ACTR3C: variants seen among roughly 807,000 people sequenced by gnomAD.
ACTR3C encodes actin related protein 3C.
ACTR3C carries 18 observed loss-of-function variants against 26.3 expected under a neutral mutation model. The observed-to-expected ratio is 0.68, with a 90% CI of 0.47 to 1.01. ACTR3C has a LOEUF of 1.01. Ranked by LOEUF, ACTR3C falls within the 50% of genes least tolerant of loss-of-function variation. The pLI is 0.00. For missense variants in ACTR3C, 184 were observed against 250.7 expected (o/e 0.73, Z 1.80); for synonymous variants, 55 against 94.5 (o/e 0.58, Z 2.42).
intron 4 of ACTR3C, among the ~76,000 whole-genome samples, chr7:150,288,263 C>T (rs953047895): frequency 6.7e-6 from 1 of 149,976 alleles, no homozygotes; most frequent in Non-Finnish European, 1.5e-5. Context: ...ACCCCAACAG[C>T]CCGTGAGGAG....
chr7:150,250,929 G>A (rs1246422708), intron 6 of ACTR3C, among the ~76,000 whole-genome samples: 2 of 152,178 alleles, frequency 1.3e-5, no homozygotes, highest in African/African-American at 4.8e-5. Context: ...TTAAAAGGAT[G>A]GGATTGGATG....
At chr7:149,988,002 A>G in the ACTR3C span, among the ~76,000 whole-genome samples, 10 of 152,248 alleles carry the variant, frequency 6.6e-5, no homozygotes, top group Non-Finnish European at 1.3e-4. Flanking sequence ...TTACTCTAAA[A>G]TGACTGGTAT....
chr7:150,306,700 C>A (rs1363464737), intron 1 of ACTR3C, among the ~76,000 whole-genome samples: 1 of 152,198 alleles, frequency 6.6e-6, no homozygotes. Flanking sequence ...TTTAGCAATA[C>A]CTCGCCAAGG....
At chr7:150,136,748 C>T in the ACTR3C span, among the ~76,000 whole-genome samples, 196 of 152,242 alleles carry the variant, frequency 1.3e-3, 3 homozygotes, top group Middle Eastern at 3.4e-3. Context: ...AAGCAGTAGA[C>T]GACCTGATGC....
At chr7:150,138,191 A>G in the ACTR3C span, among the ~76,000 whole-genome samples, 14,072 of 152,310 alleles carry the variant, frequency 0.092, 897 homozygotes, top group Non-Finnish European at 0.13. Flanking sequence ...AGTAGACAAC[A>G]TAAATCACAC....
At chr7:150,183,489 G>A in the ACTR3C span, among the ~76,000 whole-genome samples, 77 of 149,498 alleles carry the variant, frequency 5.2e-4, no homozygotes, top group Non-Finnish European at 4.9e-4. Context: ...TTACTGGAAG[G>A]TAGGGTATGG....
At chr7:149,951,822 C>T in the ACTR3C span, among the ~76,000 whole-genome samples, 2 of 149,946 alleles carry the variant, frequency 1.3e-5, no homozygotes, top group Non-Finnish European at 2.9e-5. Flanking sequence ...GTGTAGGCGC[C>T]AGGGCCAAGT....
chr7:150,224,778 C>T, the ACTR3C span, among the ~76,000 whole-genome samples: 1 of 152,194 alleles, frequency 6.6e-6, no homozygotes, highest in African/African-American at 2.4e-5. Context: ...TCCTTGAGGG[C>T]AGAGCGTTTG....
chr7:149,921,970 T>C, the ACTR3C span, among the ~76,000 whole-genome samples: 8 of 151,636 alleles, frequency 5.3e-5, 1 homozygote, highest in East Asian at 1.6e-3. Context: ...TTATGTTTCC[T>C]TCCTTATTTT....
At chr7:150,213,186 A>T in the ACTR3C span, among the ~76,000 whole-genome samples, 2 of 152,216 alleles carry the variant, frequency 1.3e-5, no homozygotes, top group South Asian at 4.1e-4. Context: ...TATTAAAAAA[A>T]ATTCCCTTCT....
the ACTR3C span, among the ~76,000 whole-genome samples, chr7:150,222,609 G>A: frequency 2.6e-5 from 4 of 151,868 alleles, no homozygotes; most frequent in South Asian, 6.2e-4. Context: ...CCATTATAGT[G>A]GAAGAGAGGG....
At chr7:150,155,104 G>A in the ACTR3C span, among the ~76,000 whole-genome samples, 84 of 152,266 alleles carry the variant, frequency 5.5e-4, no homozygotes, top group African/African-American at 1.9e-3. Flanking sequence ...TATCACAGTT[G>A]CTCTTTTATG....
rs1238905147 is a variant in ACTR3C at position 150,250,235 on chromosome 7, G to T, written c.565-1181C>A. On this transcript the variant is annotated intron_variant, in intron 6 of 7. Coordinates refer to ENST00000683684, the MANE Select transcript of ACTR3C (RefSeq NM_001164458.2). ...TTTTTTTTTTTTGAGACGGAGTCTCGCTCTGTCGCCCAGGCTGGAGTGCAG... is the reference window on the plus strand; with the variant it reads ...TTTTTTTTTTTTGAGACGGAGTCTCTCTCTGTCGCCCAGGCTGGAGTGCAG... Among the ~76,000 whole-genome samples the T allele has an allele frequency of 2.9e-5, 4 of 136,140 alleles. No individual in the cohort carries two copies. The South Asian group carries it at 6.7e-4, about 23-fold the overall frequency. The allele number at this position is 136,140 out of a possible 152,430, so 89.3% of individuals were successfully genotyped here.
chr7:150,239,746 G>T (rs1832080648), downstream of ACTR3C, among the ~76,000 whole-genome samples: 1 of 149,730 alleles, frequency 6.7e-6, no homozygotes, highest in African/African-American at 2.5e-5. Flanking sequence ...GCAAAAATCT[G>T]GGCTGGTTTA....
chr7:150,169,197 T>C, the ACTR3C span, among the ~76,000 whole-genome samples: 27 of 149,814 alleles, frequency 1.8e-4, 1 homozygote, highest in South Asian at 5.2e-3. Flanking sequence ...CTGGCTAACA[T>C]GGTGAAACCC....
chr7:149,908,629 C>A, the ACTR3C span, among the ~76,000 whole-genome samples: 3 of 152,132 alleles, frequency 2.0e-5, no homozygotes. Flanking sequence ...ACATCGTGGC[C>A]CCCTAAAAAC....
chr7:150,190,086 TC>T, the ACTR3C span, among the ~76,000 whole-genome samples: 1 of 152,352 alleles, frequency 6.6e-6, no homozygotes, highest in East Asian at 1.9e-4. Flanking sequence ...TTGTTGTTGT[TC>T]TTTAGCTATT....
At chr7:150,132,626 A>T in the ACTR3C span, among the ~76,000 whole-genome samples, 4 of 152,226 alleles carry the variant, frequency 2.6e-5, no homozygotes, top group Non-Finnish European at 5.9e-5. Flanking sequence ...AAATGCTGTC[A>T]AGGCTACAGA....
the ACTR3C span, among the ~76,000 whole-genome samples, chr7:150,016,172 C>A: frequency 6.6e-6 from 1 of 152,126 alleles, no homozygotes; most frequent in Non-Finnish European, 1.5e-5. Context: ...TTCGGACTAA[C>A]CACAGCTGAT....
Sources: allele counts gnomAD v4.1 joint callset (sites outside exome capture counted in the v4.1 genomes callset), GRCh38; gene constraint gnomAD v4.1.1; transcripts MANE v1.5; gene names NCBI Gene and HGNC (gene_info 2026-07-23, HGNC 2026-07-21).